ABLIM3: variants seen among roughly 807,000 people sequenced by gnomAD.
ABLIM3 encodes the protein actin binding LIM protein family member 3, also known as actin-binding LIM protein 3.
A neutral mutation model predicts 109.5 loss-of-function variants in ABLIM3; 61 were observed. The ratio of observed to expected loss-of-function variants is 0.56; its 90% confidence interval spans 0.45 to 0.69. The LOEUF is 0.69. Among genes scored for constraint, ABLIM3 ranks in the 30% least tolerant of loss-of-function variants. ABLIM3 has a pLI of 0.00. For missense variants in ABLIM3, 796 were observed against 889.5 expected (o/e 0.89, Z 1.34); for synonymous variants, 300 against 324.8 (o/e 0.92, Z 0.82).
chr5:149,173,602 C>T (rs1755644262), intron 2 of ABLIM3, among the ~76,000 whole-genome samples: 1 of 152,192 alleles, frequency 6.6e-6, no homozygotes, highest in Non-Finnish European at 1.5e-5. Flanking sequence ...ACTCCAGGCC[C>T]TACCCCACTT....
rs199875047 is a variant in ABLIM3 at position 149,156,983 on chromosome 5, A to T, written c.13+14875A>T. ...GATTCTAGTCTGAGATTCTAGTCCA[A>T]AATGATGACAAAGAAATGTTCAATC... is the stretch of plus-strand genomic sequence containing the variant. On this transcript the variant is annotated intron_variant, in intron 2 of 23. Coordinates refer to ENST00000309868, the MANE Select transcript of ABLIM3 (RefSeq NM_014945.5). 8.5e-5 allele frequency among the ~76,000 whole-genome samples: 13 copies of T among 152,370 alleles called. No individual in the cohort carries two copies. In the East Asian group the frequency reaches 2.1e-3, roughly 25 times the overall value.
intron 5 of ABLIM3, among the ~76,000 whole-genome samples, chr5:149,202,995 A>G (rs1436062325): frequency 2.0e-5 from 3 of 151,864 alleles, no homozygotes. Flanking sequence ...TCTTATCACC[A>G]CCACCACCAT....
rs1554082225 is a variant in ABLIM3, at chr5:149,169,085, A to ACCCCTCAACCACTGACTTTGCTGTAGGAC, written c.14-14363_14-14362insTCAACCACTGACTTTGCTGTAGGACCCCC. ...TTCCCACCACTGACTTTGCTGTAGG[A>ACCCCTCAACCACTGACTTTGCTGTAGGAC]CCCCCCCACCCCCCGTCTCACCCTA... On this transcript the variant is annotated intron_variant, in intron 2 of 23. Coordinates refer to ENST00000309868, the MANE Select transcript of ABLIM3 (RefSeq NM_014945.5). Among the ~76,000 whole-genome samples the ACCCCTCAACCACTGACTTTGCTGTAGGAC allele has an allele frequency of 4.0e-3, 529 of 132,356 alleles. 13 individuals are homozygous for ACCCCTCAACCACTGACTTTGCTGTAGGAC. The East Asian group carries it at 0.11, about 27-fold the overall frequency. 86.8% of individuals were successfully genotyped at this position (132,356 alleles called of 152,430 possible). A position where few individuals can be genotyped will look rare whatever the true frequency, so the allele number is the denominator to read the frequency against.
In ABLIM3 at chr5:149,192,856, T is replaced by C. The variant is rs971933709; in HGVS notation, c.152-5363T>C. Among the ~76,000 whole-genome samples, 11 of 145,228 alleles carry C rather than the reference T, an allele frequency of 7.6e-5. No homozygotes were observed. In the South Asian group the frequency reaches 2.3e-3, roughly 30 times the overall value. ...AAAATAATCAGACCTGAATTTCAAG[T>C]CTGTAGATATAACCACCATTTATAG... On this transcript the variant is annotated intron_variant, in intron 3 of 23. Transcript: ENST00000309868.
rs1054047598 is a variant in ABLIM3, at chr5:149,259,500, C to T, written c.*1096C>T. ...GCTGGCAGGGCAACCATACCATACC[C>T]CCGCCAGTCCTCGGCTCCTGCTGCA... On this transcript the variant is annotated 3_prime_UTR_variant, in exon 24 of 24. Coordinates refer to ENST00000309868, the MANE Select transcript of ABLIM3 (RefSeq NM_014945.5). 3 of 1,536,066 alleles carry T rather than the reference C, an allele frequency of 2.0e-6. No homozygotes were observed. The highest frequency in any genetic ancestry group is 2.6e-6 in the Non-Finnish European group (3 of 1,146,938).
chr5:149,229,595 A>G (rs1238068537), intron 8 of ABLIM3, among the ~76,000 whole-genome samples: 1 of 152,222 alleles, frequency 6.6e-6, no homozygotes, highest in Non-Finnish European at 1.5e-5. Flanking sequence ...CCAGGCAACA[A>G]AGCATAATAT....
chr5:149,208,388 ATTTCTCTTTCTCTCTCTCTG>A (rs61543933), intron 6 of ABLIM3, among the ~76,000 whole-genome samples: 56,115 of 120,462 alleles, frequency 0.47, 10,858 homozygotes, highest in East Asian at 0.67. Flanking sequence ...CTCTCTCTCA[ATTTCTCTTTCTCTCTCTCTG>A]TCTCTCTTTC....
intron 2 of ABLIM3, among the ~76,000 whole-genome samples, chr5:149,152,790 C>G (rs1402022333): frequency 6.6e-6 from 1 of 151,982 alleles, no homozygotes; most frequent in Non-Finnish European, 1.5e-5. Context: ...GTTTGATTAC[C>G]CACCCAGCTA....
At position 149,250,607 on chromosome 5, in the gene ABLIM3, G is replaced by A. The variant is rs1753829607; in HGVS notation, c.1788+102G>A. On this transcript the variant is annotated intron_variant, in intron 20 of 23. Coordinates refer to ENST00000309868, the MANE Select transcript of ABLIM3 (RefSeq NM_014945.5). ...GGTGAAACCTGAGCAAAGGTCCTGG[G>A]GCTAGTGGTGGGTTAACTGACACAA... 2.9e-6 allele frequency: 4 copies of A among 1,362,758 alleles called. No homozygotes were observed. The South Asian group carries it at 4.9e-5, about 17-fold the overall frequency. The allele number at this position is 1,362,758 out of a possible 1,614,324, so 84.4% of individuals were successfully genotyped here.
chr5:149,179,910 C>T (rs577428167), intron 2 of ABLIM3, among the ~76,000 whole-genome samples: 1 of 152,316 alleles, frequency 6.6e-6, no homozygotes, highest in East Asian at 1.9e-4. Flanking sequence ...CATCTCAGAA[C>T]GTTCTAGTGG....
intron 4 of ABLIM3, chr5:149,199,168 G>GA: frequency 2.2e-6 from 1 of 452,994 alleles, no homozygotes; most frequent in Non-Finnish European, 4.4e-6. Flanking sequence ...TTAAGGAGAT[G>GA]AAAAAATGAA....
chr5:149,187,045 A>C (rs1757027104), intron 3 of ABLIM3, among the ~76,000 whole-genome samples: 1 of 152,182 alleles, frequency 6.6e-6, no homozygotes, highest in Non-Finnish European at 1.5e-5. Context: ...ATAATAGATC[A>C]AAAATATGAG....
At chr5:149,145,383 A>T (rs577053856) in intron 2 of ABLIM3, among the ~76,000 whole-genome samples, 1 of 152,328 alleles carries the variant, frequency 6.6e-6, no homozygotes, top group East Asian at 1.9e-4. Flanking sequence ...TTCTTTACCC[A>T]GTACACTGTT....
chr5:149,252,260 C>T (rs200077279), intron 22 of ABLIM3, 52 bp downstream of exon 22: 1 of 1,597,128 alleles, frequency 6.3e-7, no homozygotes, highest in Non-Finnish European at 8.6e-7. Context: ...GGAGCCGCTA[C>T]ACTGGGGATC....
intron 2 of ABLIM3, among the ~76,000 whole-genome samples, chr5:149,149,944 T>A (rs1753278241): frequency 6.6e-6 from 1 of 152,160 alleles, no homozygotes; most frequent in African/African-American, 2.4e-5. Flanking sequence ...GAAGGCTGCC[T>A]GACAGGAACT....
intron 14 of ABLIM3, 49 bp downstream of exon 14, chr5:149,240,823 G>A (rs374550468): frequency 6.5e-7 from 1 of 1,536,556 alleles, no homozygotes. Flanking sequence ...TGCTCCATGG[G>A]GTCACAGGTG....
rs879245133 is a variant in ABLIM3 at position 149,200,610 on chromosome 5, A to G, written c.448+182A>G. Reference sequence around the variant, plus strand: ...CAGACTCACAAGCTTCACAAGCACAATGCAGGGAAGAGGGGCTGCCTGGCC... The same window carrying G: ...CAGACTCACAAGCTTCACAAGCACAGTGCAGGGAAGAGGGGCTGCCTGGCC... On this transcript the variant is annotated intron_variant, in intron 5 of 23. Transcript: ENST00000309868. 12 of 620,716 alleles carry G rather than the reference A, an allele frequency of 1.9e-5. No homozygotes were observed. In the South Asian group the frequency reaches 2.2e-4, roughly 11 times the overall value. 38.5% of individuals were successfully genotyped at this position (620,716 alleles called of 1,614,324 possible).
intron 21 of ABLIM3, among the ~76,000 whole-genome samples, chr5:149,251,719 GC>G: frequency 1.3e-5 from 2 of 152,302 alleles, no homozygotes; most frequent in Middle Eastern, 6.8e-3. Flanking sequence ...TTGCCTGCCA[GC>G]CCCAGTGGAG....
intron 2 of ABLIM3, among the ~76,000 whole-genome samples, chr5:149,157,664 CAGA>C (rs1214977744): frequency 6.6e-6 from 1 of 151,974 alleles, no homozygotes; most frequent in Non-Finnish European, 1.5e-5. Flanking sequence ...GGGAGATATT[CAGA>C]AGAAGAAGTG....
Sources: allele counts gnomAD v4.1 joint callset (sites outside exome capture counted in the v4.1 genomes callset), GRCh38; gene constraint gnomAD v4.1.1; transcripts MANE v1.5; gene names NCBI Gene and HGNC (gene_info 2026-07-23, HGNC 2026-07-21).